Variants in FAM193A observed in about 807,000 individuals in gnomAD.
The protein encoded by FAM193A is protein FAM193A.
FAM193A carries 22 observed loss-of-function variants against 126.5 expected under a neutral mutation model. The observed-to-expected ratio is 0.17, with a 90% CI of 0.12 to 0.25. The LOEUF is 0.25. Among genes scored for constraint, FAM193A ranks in the 10% least tolerant of loss-of-function variants. The pLI is 1.00. For missense variants in FAM193A, 1,675 were observed against 1,672.8 expected, an observed-to-expected ratio of 1.00 and a Z score of -0.02; for synonymous variants, 761 against 646.8, an observed-to-expected ratio of 1.18 and a Z score of -2.68.
chr4:2,540,342 C>T (rs902009316), intron 1 of FAM193A, among the ~76,000 whole-genome samples: 5 of 152,136 alleles, frequency 3.3e-5, no homozygotes, highest in African/African-American at 1.2e-4. Flanking sequence ...GTGGCGGGCA[C>T]CTGTAGTCCC....
intron 4 of FAM193A, among the ~76,000 whole-genome samples, chr4:2,628,230 G>C (rs1743176911): frequency 6.6e-6 from 1 of 152,192 alleles, no homozygotes; most frequent in Non-Finnish European, 1.5e-5. Context: ...TTCTTTCCTG[G>C]AGGCAGGGAT....
At chr4:2,636,901 T>C (rs959542830) in intron 5 of FAM193A, among the ~76,000 whole-genome samples, 5 of 152,224 alleles carry the variant, frequency 3.3e-5, no homozygotes, top group Non-Finnish European at 7.3e-5. Context: ...CTGGATACTC[T>C]TGGACATAGA....
At chr4:2,723,230 C>A (rs1248560338) in intron 20 of FAM193A, among the ~76,000 whole-genome samples, 3 of 151,308 alleles carry the variant, frequency 2.0e-5, no homozygotes. Context: ...GCCAACATCA[C>A]GCCACTGCAC....
chr4:2,631,817 T>C (rs1214806322), intron 5 of FAM193A, among the ~76,000 whole-genome samples: 1 of 152,164 alleles, frequency 6.6e-6, no homozygotes, highest in African/African-American at 2.4e-5. Context: ...TATAGAAATA[T>C]GGTTACAAGT....
Position 2,659,505 on chromosome 4 carries a change from C to A in FAM193A, c.1390-53C>A. On this transcript the variant is annotated intron_variant, in intron 8 of 20. Transcript: ENST00000637812. ...GCAGAATTACTGAAAAATAATGAGC[C>A]ATGTCTCGGGGAAGGGTCTTGCAAG... 5.8e-6 allele frequency: 7 copies of A among 1,209,882 alleles called. No homozygotes were observed. The Admixed American group carries it at 1.1e-4, about 19-fold the overall frequency. 74.9% of individuals were successfully genotyped at this position (1,209,882 alleles called of 1,614,324 possible).
chr4:2,680,098 T>C (rs1323592915), intron 13 of FAM193A, among the ~76,000 whole-genome samples: 1 of 152,086 alleles, frequency 6.6e-6, no homozygotes, highest in Non-Finnish European at 1.5e-5. Context: ...TGACCTCAGG[T>C]TATCCACCCA....
At chr4:2,681,016 T>C (rs231700) in intron 13 of FAM193A, among the ~76,000 whole-genome samples, 6,928 of 152,198 alleles carry the variant, frequency 0.046, 542 homozygotes, top group African/African-American at 0.16. Context: ...TTTAGAGATA[T>C]GCTTGCTCTG....
At chr4:2,579,561 T>C (rs1291392338) in intron 1 of FAM193A, among the ~76,000 whole-genome samples, 1 of 152,000 alleles carries the variant, frequency 6.6e-6, no homozygotes, top group Non-Finnish European at 1.5e-5. Context: ...TAGCCAGACA[T>C]AATGGCACTC....
rs759576739 is a variant in FAM193A, at chr4:2,631,141, G to A, written c.1010G>A (p.Arg337His). ...EEYGALCQAA[R>H]SISTFLGTLE... ...TACGGCGCCCTCTGCCAGGCCGCAC[G>A]CTCCATCAGCACCTTCCTTGGCACT... Residue 337 changes from arginine to histidine, a missense_variant, in exon 5 of 21, where the codon CGC becomes CAC. Arg to His is a conservative substitution (Grantham distance 29). This residue lies in a region of FAM193A where 1,186 missense variants were observed against 1,109.2 expected (regional missense o/e 1.07). Coordinates refer to ENST00000637812, the MANE Select transcript of FAM193A (RefSeq NM_001366318.2). The A allele has an allele frequency of 5.6e-6, 9 of 1,612,316 alleles. No individual in the cohort carries two copies. Among genetic ancestry groups the A allele is most frequent in the African/African-American group, 4.0e-5 (3 of 74,898 alleles).
chr4:2,617,260 A>T lies in FAM193A; in HGVS notation c.502-8002A>T, dbSNP rs867670910. On this transcript the variant is annotated intron_variant, in intron 2 of 20. Coordinates refer to ENST00000637812, the MANE Select transcript of FAM193A (RefSeq NM_001366318.2). Reference sequence around the variant, plus strand: ...TTTTATTATATATATATATATATATATATTTTTTTTTTTTTTTTTTTTTTG... The same window carrying T: ...TTTTATTATATATATATATATATATTTATTTTTTTTTTTTTTTTTTTTTTG... 6.3e-3 allele frequency among the ~76,000 whole-genome samples: 223 copies of T among 35,386 alleles called. 14 individuals carry two copies. Among genetic ancestry groups the T allele is most frequent in the African/African-American group, 0.055 (177 of 3,212 alleles). The allele number at this position is 35,386 out of a possible 152,430, so 23.2% of individuals were successfully genotyped here. A position where few individuals can be genotyped will look rare whatever the true frequency, so the allele number is the denominator to read the frequency against.
At chr4:2,602,723 C>G (rs141620906) in intron 2 of FAM193A, among the ~76,000 whole-genome samples, 21 of 151,820 alleles carry the variant, frequency 1.4e-4, no homozygotes, top group African/African-American at 5.1e-4. Context: ...TGCAGTGGCG[C>G]GATCTCAGCT....
At chr4:2,635,834 G>A (rs1744033245) in intron 5 of FAM193A, among the ~76,000 whole-genome samples, 1 of 152,090 alleles carries the variant, frequency 6.6e-6, no homozygotes, top group Non-Finnish European at 1.5e-5. Flanking sequence ...CAGCGCACCC[G>A]GCCAACATAT....
intron 19 of FAM193A, among the ~76,000 whole-genome samples, chr4:2,714,168 C>T (rs548685417): frequency 3.3e-5 from 5 of 152,218 alleles, no homozygotes; most frequent in African/African-American, 1.2e-4. Flanking sequence ...ACTTTTTGTA[C>T]ATCTGTAAAT....
At chr4:2,645,111 G>A (rs1745004466) in intron 6 of FAM193A, among the ~76,000 whole-genome samples, 2 of 151,898 alleles carry the variant, frequency 1.3e-5, no homozygotes, top group Admixed American at 6.6e-5. Context: ...TGGTTACCAA[G>A]TACTGATTCT....
chr4:2,658,015 A>C (rs987261313), intron 8 of FAM193A, 135 bp downstream of exon 8: 12 of 675,286 alleles, frequency 1.8e-5, no homozygotes, highest in Non-Finnish European at 2.6e-5. Flanking sequence ...CAGCGTTAAA[A>C]ACTGTTCAAG....
chr4:2,586,283 A>C (rs937512041), intron 1 of FAM193A, among the ~76,000 whole-genome samples: 1 of 151,872 alleles, frequency 6.6e-6, no homozygotes, highest in African/African-American at 2.4e-5. Context: ...GAATCTGTTG[A>C]TCTTTTCCTT....
Position 2,693,686 on chromosome 4 carries a change from G to GCCTGCTGCGCTGTCA in FAM193A, c.2916_2930dup (p.Ala976_Ala980dup). 2.5e-6 allele frequency: 4 copies of GCCTGCTGCGCTGTCA among 1,613,946 alleles called. No individual in the cohort carries two copies. The highest frequency in any genetic ancestry group is 3.4e-6 in the Non-Finnish European group (4 of 1,179,894). On this transcript the variant is annotated inframe_insertion, in exon 16 of 21. Coordinates refer to ENST00000637812, the MANE Select transcript of FAM193A (RefSeq NM_001366318.2). ...GCTTGGCCCCCCTCCCAGCGCTCTC[G>GCCTGCTGCGCTGTCA]CCTGCTGCGCTGTCACCTGCTGCGC...
chr4:2,699,489 T>C (rs970835789), intron 18 of FAM193A, among the ~76,000 whole-genome samples, 191 bp from the exon 19 acceptor site: 2 of 134,414 alleles, frequency 1.5e-5, no homozygotes, highest in Middle Eastern at 5.4e-3. Flanking sequence ...CTTTAGTAAA[T>C]AGATGAAGTT....
intron 1 of FAM193A, among the ~76,000 whole-genome samples, chr4:2,566,979 G>A (rs1037003893): frequency 6.9e-6 from 1 of 144,104 alleles, no homozygotes; most frequent in Non-Finnish European, 1.5e-5. Flanking sequence ...TCGCTCTGTC[G>A]CCCAGGCTGG....
Sources: gnomAD v4.1 joint callset for allele counts (sites outside exome capture counted in the v4.1 genomes callset) on GRCh38, gnomAD v4.1.1 for gene constraint, gnomAD v4.1.1 regional missense constraint, MANE v1.5 for transcripts, NCBI Gene and HGNC (gene_info 2026-07-23, HGNC 2026-07-21) for gene names.